Variants in KIZ observed in about 807,000 individuals in gnomAD.
The protein encoded by KIZ is centrosomal protein kizuna.
A neutral mutation model predicts 79.6 loss-of-function variants in KIZ; 68 were observed. The observed-to-expected ratio is 0.85, with a 90% CI of 0.70 to 1.05. The LOEUF (loss-of-function observed/expected upper bound fraction) is 1.05. Ranked by LOEUF, KIZ falls within the 50% of genes least tolerant of loss-of-function variation. The probability of loss-of-function intolerance (pLI) is 0.00; values close to 1 mark genes in which losing one functional copy is unlikely to be tolerated. For synonymous variants in KIZ, 280 were observed against 281.8 expected, an observed-to-expected ratio of 0.99 and a Z score of 0.06; for missense variants, 797 against 800.4, an observed-to-expected ratio of 1.00 and a Z score of 0.05.
intron 6 of KIZ, among the ~76,000 whole-genome samples, chr20:21,171,992 A>G (rs1376198555): frequency 2.0e-5 from 3 of 152,164 alleles, no homozygotes; most frequent in Non-Finnish European, 4.4e-5. Context: ...CTCCAGACAA[A>G]TCCATCCAGA....
At chr20:21,179,527 CTTAGTT>C (rs933779844) in intron 6 of KIZ, among the ~76,000 whole-genome samples, 4 of 151,536 alleles carry the variant, frequency 2.6e-5, no homozygotes, top group African/African-American at 9.7e-5. Flanking sequence ...TCAAAAAAGT[CTTAGTT>C]TTATTGATTT....
intron 6 of KIZ, among the ~76,000 whole-genome samples, chr20:21,204,061 G>A (rs1480840933): frequency 1.3e-5 from 2 of 149,306 alleles, no homozygotes; most frequent in African/African-American, 5.0e-5. Flanking sequence ...TTTTCTGACT[G>A]GCTTATTTCA....
chr20:21,155,307 A>G (rs2033324442), intron 4 of KIZ, among the ~76,000 whole-genome samples: 3 of 152,212 alleles, frequency 2.0e-5, no homozygotes, highest in African/African-American at 7.2e-5. Flanking sequence ...AAACTACAGT[A>G]TATCCTTAAA....
chr20:21,237,545 C>T (rs1036408412), intron 11 of KIZ, among the ~76,000 whole-genome samples: 3 of 152,058 alleles, frequency 2.0e-5, no homozygotes, highest in African/African-American at 7.2e-5. Context: ...TCCCCTTGTC[C>T]CCCTGCTGAA....
rs34056823 is a variant in KIZ, at chr20:21,166,148, A to ATTT, written c.1352+3003_1352+3005dup. ...TGCTTGGCTAATTTTTGTATTTTGT[A>ATTT]TTTTTTTTTTTTTTTTGTCCATGAG... On this transcript the variant is annotated intron_variant, in intron 6 of 12. Coordinates refer to ENST00000619189, the MANE Select transcript of KIZ (RefSeq NM_018474.6). 972 of 667,838 alleles carry ATTT rather than the reference A, an allele frequency of 1.5e-3. 8 individuals carry two copies. Among genetic ancestry groups the ATTT allele is most frequent in the South Asian group, 3.8e-3 (200 of 53,148 alleles). 41.4% of individuals were successfully genotyped at this position (667,838 alleles called of 1,614,324 possible).
intron 4 of KIZ, among the ~76,000 whole-genome samples, chr20:21,159,018 A>T (rs545020153): frequency 0.016 from 2,403 of 147,758 alleles, 62 homozygotes; most frequent in African/African-American, 0.055. Context: ...TATTATTATT[A>T]TTTTTTTTTA....
intron 6 of KIZ, among the ~76,000 whole-genome samples, chr20:21,184,447 G>A (rs1334439227): frequency 6.6e-6 from 1 of 152,198 alleles, no homozygotes; most frequent in Non-Finnish European, 1.5e-5. Context: ...ACCACGCCCG[G>A]TCCCCTGACT....
intron 11 of KIZ, among the ~76,000 whole-genome samples, chr20:21,238,963 C>A (rs1056247180): frequency 1.8e-4 from 27 of 152,210 alleles, no homozygotes; most frequent in Admixed American, 1.6e-3. Flanking sequence ...CATTCCTTGA[C>A]CCCTGTGCCT....
chr20:21,155,436 C>T (rs1393703461), intron 4 of KIZ, among the ~76,000 whole-genome samples: 4 of 152,204 alleles, frequency 2.6e-5, no homozygotes, highest in East Asian at 1.9e-4. Context: ...ACATATTATA[C>T]GATTCCACTT....
chr20:21,131,912 G>A (rs1372410577), intron 1 of KIZ, 185 bp from the exon 2 acceptor site: 10 of 460,264 alleles, frequency 2.2e-5, no homozygotes, highest in Admixed American at 4.4e-5. Context: ...TTTTAGATGC[G>A]TCTGGCATTT....
chr20:21,131,988 C>T (rs539468929), intron 1 of KIZ, 109 bp from the exon 2 acceptor site: 5 of 603,042 alleles, frequency 8.3e-6, no homozygotes, highest in African/African-American at 7.8e-5. Context: ...TTTTTTTGAC[C>T]TCTAATCAAC....
intron 3 of KIZ, among the ~76,000 whole-genome samples, chr20:21,137,740 A>G (rs897112943): frequency 6.6e-6 from 1 of 152,120 alleles, no homozygotes; most frequent in African/African-American, 2.4e-5. Flanking sequence ...CTCCTACATA[A>G]TCATACCATT....
intron 4 of KIZ, among the ~76,000 whole-genome samples, chr20:21,152,211 A>G (rs759693907): frequency 2.6e-5 from 4 of 152,194 alleles, no homozygotes; most frequent in Non-Finnish European, 5.9e-5. Context: ...GAGGGAGGCA[A>G]TGAGCTGGGG....
In KIZ at chr20:21,215,596, C is replaced by A; in HGVS notation, c.1626C>A (p.Gly542=). 6.3e-7 allele frequency: 1 copy of A among 1,599,228 alleles called. No homozygotes were observed. The highest frequency in any genetic ancestry group is 8.6e-7 in the Non-Finnish European group (1 of 1,169,228). Reference sequence around the variant, plus strand: ...TTCAATTTTTAGAAGTTTCAAGTGGCTGTGGAGACAAGAGCAAGAAAGAAA... The same window carrying A: ...TTCAATTTTTAGAAGTTTCAAGTGGATGTGGAGACAAGAGCAAGAAAGAAA... ...VPTREQEVSS[G]CGDKSKKENV... is the part of the protein sequence containing the mutation. The change falls in exon 9 of 13, where the codon GGC becomes GGA. Residue 542 remains glycine (G), a synonymous_variant. Coordinates refer to ENST00000619189, the MANE Select transcript of KIZ (RefSeq NM_018474.6).
intron 3 of KIZ, among the ~76,000 whole-genome samples, chr20:21,142,737 G>A (rs1348361725): frequency 6.6e-6 from 1 of 151,892 alleles, no homozygotes; most frequent in Non-Finnish European, 1.5e-5. Context: ...AGGGCAGTGA[G>A]TTGTGATCAT....
intron 11 of KIZ, among the ~76,000 whole-genome samples, chr20:21,235,445 A>G (rs999558546): frequency 6.6e-6 from 1 of 152,200 alleles, no homozygotes; most frequent in African/African-American, 2.4e-5. Context: ...AGTGGGGATG[A>G]AAAGCATAAT....
Position 21,231,369 on chromosome 20 carries a change from C to G in KIZ, c.1784-1365C>G, listed in dbSNP as rs2036827297. Among the ~76,000 whole-genome samples the G allele has an allele frequency of 2.0e-5, 3 of 152,106 alleles. No individual in the cohort carries two copies. In the South Asian group the frequency reaches 6.2e-4, roughly 32 times the overall value. ...GATGAGTAAATTTGACATATAAGTT[C>G]TAGTCCCTTCGATGTGTATCAGAAA... is the stretch of plus-strand genomic sequence containing the variant. On this transcript the variant is annotated intron_variant, in intron 10 of 12. Transcript: ENST00000619189.
At chr20:21,188,973 G>C (rs547733484) in intron 6 of KIZ, among the ~76,000 whole-genome samples, 216 of 152,120 alleles carry the variant, frequency 1.4e-3, no homozygotes, top group African/African-American at 4.1e-3. Flanking sequence ...CTCCCAAAGT[G>C]CTGGGATTAC....
At chr20:21,177,680 C>G (rs1568948643) in intron 6 of KIZ, among the ~76,000 whole-genome samples, 1 of 152,000 alleles carries the variant, frequency 6.6e-6, no homozygotes, top group African/African-American at 2.4e-5. Context: ...AGCTTTTCCC[C>G]TATGTTTTCT....
Sources: allele counts gnomAD v4.1 joint callset (sites outside exome capture counted in the v4.1 genomes callset), GRCh38; gene constraint gnomAD v4.1.1; transcripts MANE v1.5; gene names NCBI Gene and HGNC (gene_info 2026-07-23, HGNC 2026-07-21).